The following CPOX variants were observed in gnomAD, a reference collection of about 807,000 sequenced individuals.
The protein encoded by CPOX is oxygen-dependent coproporphyrinogen-III oxidase, mitochondrial.
A neutral mutation model predicts 48.9 loss-of-function variants in CPOX; 24 were observed. That is an observed-to-expected ratio of 0.49 (90% CI 0.36 to 0.69). CPOX has a LOEUF of 0.69. CPOX is among the 30% of genes least tolerant of loss of function. CPOX has a pLI of 0.00. For synonymous variants in CPOX, 249 were observed against 234.6 expected, an observed-to-expected ratio of 1.06 and a Z score of -0.56; for missense variants, 549 against 597.3, an observed-to-expected ratio of 0.92 and a Z score of 0.84.
At chr3:98,571,945 T>A in the CPOX span, among the ~76,000 whole-genome samples, 1 of 152,200 alleles carries the variant, frequency 6.6e-6, no homozygotes, top group Non-Finnish European at 1.5e-5. Context: ...TTCTGTTTTT[T>A]AAAATTTCTT....
At chr3:98,574,670 C>A (rs542057075), downstream of CPOX, among the ~76,000 whole-genome samples, 21 of 152,176 alleles carry the variant, frequency 1.4e-4, no homozygotes, top group African/African-American at 4.8e-4. Flanking sequence ...CACCCCCTGC[C>A]TCCCAGGTTC....
At position 98,580,747 on chromosome 3, in the gene CPOX, G is replaced by A; in HGVS notation, c.1301C>T (p.Ser434Leu). 1 of 1,613,990 alleles carries A rather than the reference G, an allele frequency of 6.2e-7. No individual in the cohort carries two copies. Among genetic ancestry groups the A allele is most frequent in the African/African-American group, 1.3e-5 (1 of 75,010 alleles). The change falls in exon 7 of 7, where the codon TCA becomes TTA. Residue 434 changes from serine to leucine, a missense_variant. Transcript: ENST00000647941. ...TARWEYMHSPSENSKEAEILE... is the reference protein window; with the variant it reads ...TARWEYMHSPLENSKEAEILE... ...AATTTCAGCTTCTTTGGAATTCTCTGAGGGTGAATGCATGTACTCCCATCT... is the reference window on the plus strand; with the variant it reads ...AATTTCAGCTTCTTTGGAATTCTCTAAGGGTGAATGCATGTACTCCCATCT...
At position 98,580,675 on chromosome 3, in the gene CPOX, T is replaced by G. The variant is rs757538610; in HGVS notation, c.*8A>C. 1 of 1,614,188 alleles carries G rather than the reference T, an allele frequency of 6.2e-7. No individual in the cohort carries two copies. Among genetic ancestry groups the G allele is most frequent in the Non-Finnish European group, 8.5e-7 (1 of 1,180,006 alleles). On this transcript the variant is annotated 3_prime_UTR_variant, in exon 7 of 7. Transcript: ENST00000647941. ...CCTCCAAACCCCTGCACAGCCATTC[T>G]GCCTGCATCAACGCACCCAGTCCCT...
At chr3:98,574,644 C>T (rs1002987521), downstream of CPOX, among the ~76,000 whole-genome samples, 3 of 152,186 alleles carry the variant, frequency 2.0e-5, no homozygotes, top group Non-Finnish European at 2.9e-5. Flanking sequence ...TGCAGTGGCA[C>T]GATCTTGGCT....
downstream of CPOX, among the ~76,000 whole-genome samples, chr3:98,574,526 G>A (rs1707132155): frequency 6.6e-6 from 1 of 152,198 alleles, no homozygotes; most frequent in South Asian, 2.1e-4. Context: ...ATAAGATCAA[G>A]TACACATTAA....
At position 98,579,563 on chromosome 3, in the gene CPOX, C is replaced by G. The variant is rs548611832; in HGVS notation, c.*1120G>C. On this transcript the variant is annotated 3_prime_UTR_variant, in exon 7 of 7. Transcript: ENST00000647941. ...AATCACAAACATTCAACGTGTTCCA[C>G]GATAATGATATGTATGAGATGCTCT... 32 of 985,198 alleles carry G rather than the reference C, an allele frequency of 3.2e-5. No individual in the cohort carries two copies. The highest frequency in any genetic ancestry group is 3.7e-5 in the Non-Finnish European group (31 of 829,884). The allele number at this position is 985,198 out of a possible 1,614,324, so 61.0% of individuals were successfully genotyped here. A position where few individuals can be genotyped will look rare whatever the true frequency, so the allele number is the denominator to read the frequency against.
At chr3:98,571,544 C>A in the CPOX span, among the ~76,000 whole-genome samples, 13 of 150,840 alleles carry the variant, frequency 8.6e-5, no homozygotes, top group East Asian at 3.9e-4. Context: ...AAAAATTAGC[C>A]GGGCGTAGTG....
intron 5 of CPOX, among the ~76,000 whole-genome samples, chr3:98,582,736 C>A (rs907724017): frequency 2.0e-5 from 3 of 152,112 alleles, no homozygotes; most frequent in African/African-American, 7.2e-5. Flanking sequence ...CGTGATCTGC[C>A]CGCCTCGGCC....
chr3:98,576,271 G>A (rs1039100642), downstream of CPOX, among the ~76,000 whole-genome samples: 3 of 152,152 alleles, frequency 2.0e-5, no homozygotes, highest in African/African-American at 7.2e-5. Context: ...GGGAAGCAAG[G>A]CACCTTCTTC....
intron 4 of CPOX, among the ~76,000 whole-genome samples, chr3:98,588,126 C>A (rs192940186): frequency 1.3e-5 from 2 of 152,300 alleles, no homozygotes; most frequent in Non-Finnish European, 2.9e-5. Context: ...TTCAAGAATG[C>A]CAATTGGCTC....
chr3:98,579,094 T>G (rs1301686581), downstream of CPOX, among the ~76,000 whole-genome samples: 1 of 152,232 alleles, frequency 6.6e-6, no homozygotes, highest in East Asian at 1.9e-4. Context: ...ATGAAAACAA[T>G]GAGGATGAAG....
At chr3:98,590,572 A>G in intron 3 of CPOX, 60 bp downstream of exon 3, 3 of 1,150,486 alleles carry the variant, frequency 2.6e-6, no homozygotes, top group Middle Eastern at 1.9e-4. Flanking sequence ...ATGCCCTCTT[A>G]TCTGTTTTAA....
chr3:98,591,468 T>A (rs185205859), intron 1 of CPOX, among the ~76,000 whole-genome samples: 1 of 152,222 alleles, frequency 6.6e-6, no homozygotes, highest in African/African-American at 2.4e-5. Flanking sequence ...TCAGTTATGA[T>A]ATATGAGAGA....
At position 98,592,814 on chromosome 3, in the gene CPOX, T is replaced by C. The variant is rs1248584827; in HGVS notation, c.556+135A>G. 4 of 950,278 alleles carry C rather than the reference T, an allele frequency of 4.2e-6. No individual in the cohort carries two copies. The East Asian group carries it at 1.0e-4, about 25-fold the overall frequency. 58.9% of individuals were successfully genotyped at this position (950,278 alleles called of 1,614,324 possible). A position where few individuals can be genotyped will look rare whatever the true frequency, so the allele number is the denominator to read the frequency against. On this transcript the variant is annotated intron_variant, in intron 1 of 6. Transcript: ENST00000647941. ...TGTCCATCTTTTTATCAGCGGCCTCTAACCAAGCGGCCTCTCTGTGGGTAC... is the reference window on the plus strand; with the variant it reads ...TGTCCATCTTTTTATCAGCGGCCTCCAACCAAGCGGCCTCTCTGTGGGTAC...
chr3:98,593,173 G>C lies in CPOX; in HGVS notation c.332C>G (p.Thr111Ser), dbSNP rs766252547. 7 of 1,610,150 alleles carry C rather than the reference G, an allele frequency of 4.3e-6. No individual in the cohort carries two copies. The South Asian group carries it at 7.7e-5, about 18-fold the overall frequency. Residue 111 changes from threonine to serine, a missense_variant, in exon 1 of 7, where the codon ACT (threonine) becomes AGT (serine). Around this residue, in one of 2 missense-constraint regions of CPOX, gnomAD observed 336 missense variants for 318.1 expected, o/e 1.06. Transcript: ENST00000647941. ...CTCCTCCTCCGGCCTCCCCAGCGAA[G>C]TGGCCCGCGTCCCCGAGGTCTTAGG... ...MLPKTSGTRA[T>S]SLGRPEEEED... is the part of the protein sequence containing the mutation.
intron 5 of CPOX, among the ~76,000 whole-genome samples, chr3:98,584,618 A>G (rs569366850): frequency 6.6e-6 from 1 of 152,338 alleles, no homozygotes; most frequent in African/African-American, 2.4e-5. Flanking sequence ...CGTCAATGAG[A>G]AAATCCATTT....
At position 98,593,249 on chromosome 3, in the gene CPOX, C is replaced by A. The variant is rs776510183; in HGVS notation, c.256G>T (p.Val86Leu). ...CCGAAGGCGGCGGTGGCCAGCCCCA[C>A]CAACCCCGCCAGCGCCGCGGCCAGC... ...TGLAAALAGL[V>L]GLATAAFGHV... The change falls in exon 1 of 7, where the codon GTG (valine) becomes TTG (leucine). Residue 86 changes from valine (V) to leucine (L), a missense_variant. Val to Leu is a conservative substitution (Grantham distance 32). This residue lies in a region of CPOX where 336 missense variants were observed against 318.1 expected (regional missense o/e 1.06). Coordinates refer to ENST00000647941, the MANE Select transcript of CPOX (RefSeq NM_000097.7). 6.6e-7 allele frequency: 1 copy of A among 1,524,710 alleles called. No individual in the cohort carries two copies. The allele number at this position is 1,524,710 out of a possible 1,614,324, so 94.4% of individuals were successfully genotyped here.
Position 98,590,758 on chromosome 3 carries a change from T to G in CPOX, c.701-16A>C. 1 of 1,544,994 alleles carries G rather than the reference T, an allele frequency of 6.5e-7. No individual in the cohort carries two copies. The highest frequency in any genetic ancestry group is 8.9e-7 in the Non-Finnish European group (1 of 1,117,430). On this transcript the variant is annotated splice_polypyrimidine_tract_variant and intron_variant, in intron 2 of 6. Transcript: ENST00000647941. ...GGCAATTTACCTGGAAAGTAAAATA[T>G]GAGTCATGAGCTATATTCAGTTACC...
intron 5 of CPOX, among the ~76,000 whole-genome samples, 164 bp from the exon 6 acceptor site, chr3:98,581,675 G>C (rs1379652374): frequency 6.6e-6 from 1 of 152,094 alleles, no homozygotes; most frequent in Non-Finnish European, 1.5e-5. Context: ...TCTCCATCTG[G>C]ACAGGCAGAA....
Sources: allele counts gnomAD v4.1 joint callset (sites outside exome capture counted in the v4.1 genomes callset), GRCh38; gene constraint gnomAD v4.1.1; regional missense constraint gnomAD v4.1.1; transcripts MANE v1.5; gene names NCBI Gene and HGNC (gene_info 2026-07-23, HGNC 2026-07-21).